GRIK3: variants seen among roughly 807,000 people sequenced by gnomAD.
GRIK3 encodes glutamate ionotropic receptor kainate type subunit 3, also known as glutamate receptor ionotropic, kainate 3.
Under a neutral mutation model 102.5 loss-of-function variants are expected in GRIK3, and 29 were observed. The ratio of observed to expected loss-of-function variants is 0.28; its 90% CI spans 0.21 to 0.39. The LOEUF is 0.39. Ranked by LOEUF, GRIK3 falls within the 10% of genes least tolerant of loss-of-function variation. The probability of loss-of-function intolerance (pLI) is 1.00; values close to 1 mark genes in which losing one functional copy is unlikely to be tolerated. For synonymous variants in GRIK3, 511 were observed against 504.9 expected, an observed-to-expected ratio of 1.01 and a Z score of -0.16; for missense variants, 908 against 1,252.4, an observed-to-expected ratio of 0.73 and a Z score of 4.15.
intron 1 of GRIK3, among the ~76,000 whole-genome samples, chr1:37,001,468 C>T (rs1229737268): frequency 3.0e-4 from 46 of 152,272 alleles, no homozygotes; most frequent in Admixed American, 3.0e-3. Context: ...TGGCCTTCCC[C>T]AGGTGCACGA....
At chr1:36,899,357 G>A (rs561606523) in intron 1 of GRIK3, among the ~76,000 whole-genome samples, 1 of 152,076 alleles carries the variant, frequency 6.6e-6, no homozygotes, top group South Asian at 2.1e-4. Flanking sequence ...AAGGAAATTC[G>A]GACATATGTT....
At position 36,796,771 on chromosome 1, in the gene GRIK3, C is replaced by T. The variant is rs1642369467; in HGVS notation, c.*5080G>A. 1.3e-5 allele frequency: 2 copies of T among 152,142 alleles called. No individual in the cohort carries two copies. Among genetic ancestry groups the T allele is most frequent in the Admixed American group, 6.5e-5 (1 of 15,276 alleles). The allele number at this position is 152,142 out of a possible 1,614,324, so 9.4% of individuals were successfully genotyped here. A position where few individuals can be genotyped will look rare whatever the true frequency, so the allele number is the denominator to read the frequency against. ...AGAGGCTTTTGCTACCTAGAATAGC[C>T]CCGCCTTCTAGGGTATCCTAGATGG... On this transcript the variant is annotated 3_prime_UTR_variant, in exon 16 of 16. Coordinates refer to ENST00000373091, the MANE Select transcript of GRIK3 (RefSeq NM_000831.4).
At chr1:36,887,887 T>C (rs1641059697) in intron 2 of GRIK3, among the ~76,000 whole-genome samples, 1 of 151,144 alleles carries the variant, frequency 6.6e-6, no homozygotes, top group East Asian at 1.9e-4. Flanking sequence ...GGCCAAAATT[T>C]AAAAATAAAA....
chr1:37,025,044 G>C (rs1298305045), intron 1 of GRIK3, among the ~76,000 whole-genome samples: 1 of 152,192 alleles, frequency 6.6e-6, no homozygotes, highest in Non-Finnish European at 1.5e-5. Context: ...TTGAAACTCA[G>C]ACAGAGGAAT....
At chr1:36,823,700 C>G (rs1346209870) in intron 11 of GRIK3, among the ~76,000 whole-genome samples, 2 of 152,138 alleles carry the variant, frequency 1.3e-5, no homozygotes, top group African/African-American at 4.8e-5. Flanking sequence ...CTGCCTATCA[C>G]TATGCCTGCT....
chr1:36,869,173 A>G (rs1157329074), intron 5 of GRIK3, among the ~76,000 whole-genome samples: 3 of 152,120 alleles, frequency 2.0e-5, no homozygotes, highest in African/African-American at 7.2e-5. Flanking sequence ...ATGGCCCTAA[A>G]TGTTCTCAGA....
chr1:36,802,914 C>A (rs1317291891), intron 15 of GRIK3, among the ~76,000 whole-genome samples: 2 of 152,128 alleles, frequency 1.3e-5, no homozygotes, highest in Non-Finnish European at 2.9e-5. Flanking sequence ...CCCTCCTTGC[C>A]TCCTTTTCTT....
At chr1:36,984,596 C>T (rs1642284985) in intron 1 of GRIK3, among the ~76,000 whole-genome samples, 2 of 152,322 alleles carry the variant, frequency 1.3e-5, no homozygotes, top group African/African-American at 2.4e-5. Flanking sequence ...GCATTAAATG[C>T]CTCTGGGTCT....
At chr1:36,858,219 G>C (rs1640675761) in intron 7 of GRIK3, among the ~76,000 whole-genome samples, 1 of 152,202 alleles carries the variant, frequency 6.6e-6, no homozygotes, top group Non-Finnish European at 1.5e-5. Flanking sequence ...GCCAGGTCCT[G>C]GGTTAGGTGC....
At chr1:37,005,790 T>C (rs903203508) in intron 1 of GRIK3, among the ~76,000 whole-genome samples, 1 of 152,140 alleles carries the variant, frequency 6.6e-6, no homozygotes, top group Non-Finnish European at 1.5e-5. Flanking sequence ...CTGGAATAAA[T>C]AAAGCTGACA....
intron 1 of GRIK3, among the ~76,000 whole-genome samples, chr1:36,974,856 T>G (rs1642179229): frequency 6.6e-6 from 1 of 150,714 alleles, no homozygotes; most frequent in South Asian, 2.1e-4. Flanking sequence ...ACAATATGGA[T>G]TAACCTCTAA....
chr1:36,848,552 A>G (rs1016783506), intron 9 of GRIK3, among the ~76,000 whole-genome samples: 1 of 152,034 alleles, frequency 6.6e-6, no homozygotes, highest in East Asian at 1.9e-4. Flanking sequence ...AGAGCTATAA[A>G]TTATTTAATT....
In GRIK3 at chr1:36,806,454, C is replaced by T; in HGVS notation, c.2092-128G>A. On this transcript the variant is annotated intron_variant, in intron 13 of 15. Coordinates refer to ENST00000373091, the MANE Select transcript of GRIK3 (RefSeq NM_000831.4). The surrounding 1 kb of genome is among the most constrained non-coding windows in gnomAD (Gnocchi z 4.0). ...CTACAATCTTCAGAGAAAGGAAGTGCTACACGGTGCTCAGATATAGAAATT... is the reference window on the plus strand; with the variant it reads ...CTACAATCTTCAGAGAAAGGAAGTGTTACACGGTGCTCAGATATAGAAATT... The T allele has an allele frequency of 1.6e-6, 1 of 613,528 alleles. No homozygotes were observed. The highest frequency in any genetic ancestry group is 2.9e-6 in the Non-Finnish European group (1 of 345,202). The allele number at this position is 613,528 out of a possible 1,614,324, so 38.0% of individuals were successfully genotyped here.
At chr1:36,970,496 G>T (rs562034668) in intron 1 of GRIK3, among the ~76,000 whole-genome samples, 1 of 152,256 alleles carries the variant, frequency 6.6e-6, no homozygotes, top group South Asian at 2.1e-4. Context: ...CCCACCATTG[G>T]AAGCTCAATT....
chr1:36,959,893 T>C (rs1359253889), intron 1 of GRIK3, among the ~76,000 whole-genome samples: 1 of 109,794 alleles, frequency 9.1e-6, no homozygotes, highest in African/African-American at 3.2e-5. Flanking sequence ...CATGATTCTG[T>C]GCCCCATGAG....
At chr1:37,031,567 C>G (rs1439589514) in intron 1 of GRIK3, among the ~76,000 whole-genome samples, 1 of 152,346 alleles carries the variant, frequency 6.6e-6, no homozygotes, top group African/African-American at 2.4e-5. Context: ...GGCTGGTGCT[C>G]GGCGATGCCT....
chr1:36,829,848 T>A (rs529276574), intron 10 of GRIK3, among the ~76,000 whole-genome samples: 49 of 152,330 alleles, frequency 3.2e-4, no homozygotes, highest in Admixed American at 3.0e-3. Context: ...GCTGGTTGAA[T>A]CCTGCCTTGT....
At position 36,806,312 on chromosome 1, in the gene GRIK3, G is replaced by A; in HGVS notation, c.2106C>T (p.Ser702=). ...TGAAGGCCCACATCTTCTCGAAGGT[G>A]GAGATCTTGGATTTCTGGGCCGTGA... ...TMTFFKKSKI[S]TFEKMWAFMS... is the part of the protein sequence containing the mutation. The change falls in exon 14 of 16, where the codon TCC becomes TCT. Residue 702 remains serine (S), a synonymous_variant. Coordinates refer to ENST00000373091, the MANE Select transcript of GRIK3 (RefSeq NM_000831.4). This position sits in a 1 kb window ranked among gnomAD's most constrained non-coding sequence, Gnocchi z 4.0. 6.2e-7 allele frequency: 1 copy of A among 1,613,000 alleles called. No homozygotes were observed. Among genetic ancestry groups the A allele is most frequent in the African/African-American group, 1.3e-5 (1 of 75,036 alleles).
At chr1:36,901,894 T>C (rs1017068619) in intron 1 of GRIK3, among the ~76,000 whole-genome samples, 5 of 152,232 alleles carry the variant, frequency 3.3e-5, no homozygotes, top group Non-Finnish European at 5.9e-5. Flanking sequence ...TGGCAGAATA[T>C]ACGGTTAATA....
Sources: gnomAD v4.1 joint callset for allele counts (sites outside exome capture counted in the v4.1 genomes callset) on GRCh38, gnomAD v4.1.1 for gene constraint, Gnocchi (gnomAD v3.1) non-coding constraint, MANE v1.5 for transcripts, NCBI Gene and HGNC (gene_info 2026-07-23, HGNC 2026-07-21) for gene names.